Variants in DLG2 observed in about 807,000 individuals in gnomAD.
DLG2 encodes the protein discs large MAGUK scaffold protein 2, also known as disks large homolog 2.
DLG2 carries 45 observed loss-of-function variants against 132.5 expected under a neutral mutation model. The ratio of observed to expected loss-of-function variants is 0.34; its 90% confidence interval spans 0.27 to 0.44. The LOEUF (loss-of-function observed/expected upper bound fraction) is 0.44. Ranked by LOEUF, DLG2 falls within the 20% of genes least tolerant of loss-of-function variation. The pLI, the probability that DLG2 is intolerant of heterozygous loss-of-function variation, is 1.00. For synonymous variants in DLG2, 424 were observed against 419.6 expected, an observed-to-expected ratio of 1.01 and a Z score of -0.13; for missense variants, 1,045 against 1,196.9, an observed-to-expected ratio of 0.87 and a Z score of 1.87.
At chr11:84,230,638 G>A (rs1031852026) in intron 8 of DLG2, among the ~76,000 whole-genome samples, 1 of 152,060 alleles carries the variant, frequency 6.6e-6, no homozygotes, top group Non-Finnish European at 1.5e-5. Flanking sequence ...GCACAAAACT[G>A]AATACATGAT....
chr11:84,021,840 C>A (rs563074633), intron 11 of DLG2, among the ~76,000 whole-genome samples: 1 of 151,906 alleles, frequency 6.6e-6, no homozygotes, highest in South Asian at 2.1e-4. Flanking sequence ...CTCCGCCTAC[C>A]GGGTTCAAGC....
At chr11:85,535,128 T>A (rs550942128) in intron 3 of DLG2, among the ~76,000 whole-genome samples, 1 of 152,284 alleles carries the variant, frequency 6.6e-6, no homozygotes, top group South Asian at 2.1e-4. Context: ...AAAAAGTTTA[T>A]GACTCATAGC....
intron 6 of DLG2, among the ~76,000 whole-genome samples, chr11:84,623,820 C>A (rs1437228440): frequency 6.6e-6 from 1 of 152,132 alleles, no homozygotes; most frequent in Non-Finnish European, 1.5e-5. Flanking sequence ...TCCTTCCCAC[C>A]ACAATGAGAA....
In DLG2 at chr11:84,438,698, CTG is replaced by C. The variant is rs2099008553; in HGVS notation, c.519+95870_519+95871del. Among the ~76,000 whole-genome samples the C allele has an allele frequency of 2.0e-5, 3 of 152,294 alleles. No individual in the cohort carries two copies. In the South Asian group the frequency reaches 6.2e-4, roughly 32 times the overall value. On this transcript the variant is annotated intron_variant, in intron 7 of 27. Transcript: ENST00000376104. Reference sequence around the variant, plus strand: ...AGATAAGGTCAATGCTAAGAGACAACTGTTTCTTCCAATGAGAGATAAGGTTT... The same window carrying C: ...AGATAAGGTCAATGCTAAGAGACAACTTTCTTCCAATGAGAGATAAGGTTT...
chr11:85,104,000 C>T (rs1333220301), intron 6 of DLG2, among the ~76,000 whole-genome samples: 4 of 151,748 alleles, frequency 2.6e-5, no homozygotes, highest in African/African-American at 9.7e-5. Flanking sequence ...AAATCAAAAC[C>T]AAAATGAGAT....
At chr11:84,560,871 T>G (rs888264176) in intron 6 of DLG2, among the ~76,000 whole-genome samples, 1 of 152,124 alleles carries the variant, frequency 6.6e-6, no homozygotes, top group Admixed American at 6.6e-5. Context: ...GCTTTTACAA[T>G]GTGACTTGAT....
At chr11:85,343,006 T>G (rs1317311220) in intron 3 of DLG2, among the ~76,000 whole-genome samples, 1 of 152,050 alleles carries the variant, frequency 6.6e-6, no homozygotes, top group Non-Finnish European at 1.5e-5. Context: ...TAGTTCTCCC[T>G]AACTTTAATG....
At chr11:84,480,546 A>G (rs2099134217) in intron 7 of DLG2, among the ~76,000 whole-genome samples, 1 of 152,068 alleles carries the variant, frequency 6.6e-6, no homozygotes, top group African/African-American at 2.4e-5. Context: ...ACAAAAAAAG[A>G]AAAAAAGAAA....
At chr11:83,860,419 AT>A (rs2061264691) in intron 16 of DLG2, among the ~76,000 whole-genome samples, 1 of 152,174 alleles carries the variant, frequency 6.6e-6, no homozygotes, top group African/African-American at 2.4e-5. Context: ...AAAGGAGCCC[AT>A]TTTGGAGCTT....
intron 5 of DLG2, among the ~76,000 whole-genome samples, chr11:85,141,306 T>A (rs2076456706): frequency 6.6e-6 from 1 of 151,900 alleles, no homozygotes; most frequent in African/African-American, 2.4e-5. Flanking sequence ...GATTTGCATT[T>A]CTTGATGATT....
chr11:84,544,749 A>AT (rs1422554173), intron 6 of DLG2, among the ~76,000 whole-genome samples: 2 of 152,162 alleles, frequency 1.3e-5, no homozygotes, highest in African/African-American at 4.8e-5. Context: ...TACTCCTGGC[A>AT]TACAGTGGCT....
chr11:84,937,995 G>C (rs2048951923), intron 6 of DLG2, among the ~76,000 whole-genome samples: 1 of 152,130 alleles, frequency 6.6e-6, no homozygotes, highest in South Asian at 2.1e-4. Flanking sequence ...AACTAGACTA[G>C]AATCCAAGTC....
intron 3 of DLG2, among the ~76,000 whole-genome samples, chr11:85,591,280 G>A (rs1425068773): frequency 3.3e-5 from 5 of 152,318 alleles, no homozygotes; most frequent in African/African-American, 1.2e-4. Flanking sequence ...CTCTTTGGAA[G>A]AGACTTGTAT....
chr11:84,176,995 A>T (rs1371447394), intron 8 of DLG2, among the ~76,000 whole-genome samples: 1 of 151,796 alleles, frequency 6.6e-6, no homozygotes, highest in Non-Finnish European at 1.5e-5. Context: ...GTACCAGAAA[A>T]ATTTTCACTT....
chr11:83,476,279 T>A (rs572859681), intron 22 of DLG2, among the ~76,000 whole-genome samples: 8 of 152,236 alleles, frequency 5.3e-5, no homozygotes, highest in African/African-American at 1.9e-4. Context: ...CCACACACTA[T>A]TACTCTCTGT....
At chr11:84,853,496 TTAAAA>T (rs1413993422) in intron 6 of DLG2, among the ~76,000 whole-genome samples, 3 of 152,044 alleles carry the variant, frequency 2.0e-5, no homozygotes, top group African/African-American at 7.2e-5. Context: ...ATCATATATC[TTAAAA>T]TAAGATAAAT....
At chr11:85,429,963 G>A (rs555602656) in intron 3 of DLG2, among the ~76,000 whole-genome samples, 123 of 152,222 alleles carry the variant, frequency 8.1e-4, no homozygotes, top group African/African-American at 3.0e-3. Flanking sequence ...CAACCCAAAT[G>A]TCCAACAATG....
At chr11:84,969,160 A>G (rs1427144760) in intron 6 of DLG2, among the ~76,000 whole-genome samples, 1 of 152,086 alleles carries the variant, frequency 6.6e-6, no homozygotes, top group Non-Finnish European at 1.5e-5. Flanking sequence ...CCTTAATAAC[A>G]TTTTGGCTCA....
At chr11:85,257,381 A>G (rs998884008) in intron 4 of DLG2, among the ~76,000 whole-genome samples, 13 of 152,234 alleles carry the variant, frequency 8.5e-5, no homozygotes, top group African/African-American at 3.1e-4. Context: ...TATGAGAAAG[A>G]AAACATAATC....
Sources: allele counts gnomAD v4.1 joint callset (sites outside exome capture counted in the v4.1 genomes callset), GRCh38; gene constraint gnomAD v4.1.1; transcripts MANE v1.5; gene names NCBI Gene and HGNC (gene_info 2026-07-23, HGNC 2026-07-21).